Variants in FIG4 observed in about 807,000 individuals in gnomAD.
The protein encoded by FIG4 is FIG4 phosphoinositide 5-phosphatase.
A neutral mutation model predicts 118.6 loss-of-function variants in FIG4; 112 were observed. The ratio of observed to expected loss-of-function variants is 0.94; its 90% CI spans 0.81 to 1.11. The LOEUF is 1.11. FIG4 is among the 50% of genes least tolerant of loss of function. The probability of loss-of-function intolerance (pLI) is 0.00; values close to 1 mark genes in which losing one functional copy is unlikely to be tolerated. For missense variants in FIG4, 969 were observed against 1,111.7 expected (o/e 0.87, Z 1.83); for synonymous variants, 369 against 381.2 (o/e 0.97, Z 0.37).
At chr6:109,697,951 C>T (rs146312342) in intron 1 of FIG4, among the ~76,000 whole-genome samples, 3 of 151,484 alleles carry the variant, frequency 2.0e-5, no homozygotes, top group Admixed American at 6.6e-5. Flanking sequence ...TGCAATGGCA[C>T]GATCTCGGCT....
chr6:109,805,027 C>G (rs1778524876), intron 22 of FIG4, among the ~76,000 whole-genome samples: 1 of 152,154 alleles, frequency 6.6e-6, no homozygotes, highest in Non-Finnish European at 1.5e-5. Context: ...CAAATTGGAG[C>G]AAATGACAAG....
At chr6:109,818,532 C>T (rs888478262) in intron 22 of FIG4, among the ~76,000 whole-genome samples, 1 of 152,118 alleles carries the variant, frequency 6.6e-6, no homozygotes, top group Non-Finnish European at 1.5e-5. Flanking sequence ...TATTGTCATA[C>T]ATGTTCTATT....
At chr6:109,717,442 A>G (rs1202479403) in intron 3 of FIG4, among the ~76,000 whole-genome samples, 4 of 152,184 alleles carry the variant, frequency 2.6e-5, no homozygotes, top group Non-Finnish European at 5.9e-5. Context: ...TGGTGAATCA[A>G]TAAACCTGTC....
At chr6:109,802,814 TA>T (rs1386909961) in intron 22 of FIG4, among the ~76,000 whole-genome samples, 2 of 152,210 alleles carry the variant, frequency 1.3e-5, no homozygotes, top group East Asian at 3.8e-4. Context: ...AGGCTTCCAT[TA>T]TTTCCAGTGA....
intron 22 of FIG4, among the ~76,000 whole-genome samples, chr6:109,824,694 A>T (rs1014356244): frequency 1.3e-5 from 2 of 152,174 alleles, no homozygotes; most frequent in African/African-American, 4.8e-5. Context: ...ACTGATTTCT[A>T]CTATATCTTC....
intron 4 of FIG4, among the ~76,000 whole-genome samples, chr6:109,728,571 C>T (rs948357951): frequency 6.6e-6 from 1 of 152,020 alleles, no homozygotes; most frequent in African/African-American, 2.4e-5. Flanking sequence ...GTGATGCAGC[C>T]CTGTTGCTTG....
chr6:109,808,347 C>G (rs1583763514), intron 22 of FIG4, among the ~76,000 whole-genome samples: 1 of 46,048 alleles, frequency 2.2e-5, no homozygotes, highest in Non-Finnish European at 3.5e-5. Flanking sequence ...TACACACTCA[C>G]AGCAAAAAAA....
chr6:109,816,853 C>G (rs1023639169), intron 22 of FIG4, among the ~76,000 whole-genome samples: 1 of 152,246 alleles, frequency 6.6e-6, no homozygotes, highest in African/African-American at 2.4e-5. Context: ...TCAGAACGCA[C>G]ATGAAGAACC....
At chr6:109,708,233 TG>T (rs1775148646) in intron 1 of FIG4, among the ~76,000 whole-genome samples, 1 of 152,204 alleles carries the variant, frequency 6.6e-6, no homozygotes. Context: ...TTGCAGTATT[TG>T]GTTTTTTGTT....
chr6:109,815,604 G>A (rs1778841454), intron 22 of FIG4, among the ~76,000 whole-genome samples: 1 of 149,694 alleles, frequency 6.7e-6, no homozygotes, highest in South Asian at 2.1e-4. Context: ...CCATCTGAGG[G>A]CTCTAGGACT....
At chr6:109,793,502 CA>C (rs1778195533) in intron 21 of FIG4, among the ~76,000 whole-genome samples, 1 of 152,180 alleles carries the variant, frequency 6.6e-6, no homozygotes, top group Non-Finnish European at 1.5e-5. Context: ...AGCAGATTCT[CA>C]AAAGAATCCT....
chr6:109,727,326 G>A, intron 4 of FIG4, 61 bp downstream of exon 4: 1 of 1,301,550 alleles, frequency 7.7e-7, no homozygotes, highest in Middle Eastern at 2.1e-4. Context: ...TGTTGCCCAG[G>A]CTGGAAGGCT....
intron 15 of FIG4, 114 bp from the exon 16 acceptor site, chr6:109,776,808 A>G (rs1777630407): frequency 1.2e-6 from 1 of 800,268 alleles, no homozygotes. Flanking sequence ...TTGTATTTGT[A>G]TGTATTTGAA....
chr6:109,719,085 G>T (rs1775526877), intron 3 of FIG4, among the ~76,000 whole-genome samples: 1 of 151,736 alleles, frequency 6.6e-6, no homozygotes, highest in Non-Finnish European at 1.5e-5. Context: ...TGCCTGGCTG[G>T]TTATTGCATT....
chr6:109,808,130 A>G (rs561044313), intron 22 of FIG4, among the ~76,000 whole-genome samples: 43 of 152,230 alleles, frequency 2.8e-4, no homozygotes, highest in African/African-American at 1.0e-3. Flanking sequence ...AGAGTAGCAA[A>G]TATCCATGTG....
At chr6:109,768,149 C>T (rs866918672) in intron 15 of FIG4, among the ~76,000 whole-genome samples, 2 of 152,062 alleles carry the variant, frequency 1.3e-5, no homozygotes, top group Non-Finnish European at 1.5e-5. Context: ...ATGTGGGCCT[C>T]GTGGAGGAGG....
chr6:109,769,140 G>T (rs1448051508), intron 15 of FIG4, among the ~76,000 whole-genome samples: 1 of 146,410 alleles, frequency 6.8e-6, no homozygotes, highest in Non-Finnish European at 1.5e-5. Flanking sequence ...GTCTCGCTCT[G>T]TCTACAGGCT....
chr6:109,779,556 T>G (rs1777732501), intron 16 of FIG4, among the ~76,000 whole-genome samples: 2 of 152,234 alleles, frequency 1.3e-5, no homozygotes, highest in Admixed American at 1.3e-4. Flanking sequence ...CTCAGTTGAT[T>G]TAGGTCTCCT....
At chr6:109,713,302 C>T (rs899858513) in intron 1 of FIG4, among the ~76,000 whole-genome samples, 16 of 152,298 alleles carry the variant, frequency 1.1e-4, no homozygotes, top group African/African-American at 3.6e-4. Context: ...GCAGAGGCAG[C>T]ATGGCTGAGG....
Sources: gnomAD v4.1 joint callset for allele counts (sites outside exome capture counted in the v4.1 genomes callset) on GRCh38, gnomAD v4.1.1 for gene constraint, MANE v1.5 for transcripts, NCBI Gene and HGNC (gene_info 2026-07-23, HGNC 2026-07-21) for gene names.